The following SYT14 variants were observed in gnomAD, a reference collection of about 807,000 sequenced individuals.
SYT14 encodes the protein synaptotagmin 14.
Under a neutral mutation model 74.2 loss-of-function variants are expected in SYT14, and 32 were observed. The observed-to-expected ratio is 0.43, with a 90% confidence interval of 0.33 to 0.58. The LOEUF is 0.58. Among genes scored for constraint, SYT14 ranks in the 20% least tolerant of loss-of-function variants. The probability of loss-of-function intolerance (pLI) is 0.05; values close to 1 mark genes in which losing one functional copy is unlikely to be tolerated. For missense variants in SYT14, 791 were observed against 981.8 expected, an observed-to-expected ratio of 0.81 and a Z score of 2.60; for synonymous variants, 298 against 337.7, an observed-to-expected ratio of 0.88 and a Z score of 1.29.
intron 5 of SYT14, among the ~76,000 whole-genome samples, chr1:210,077,055 G>A (rs929912601): frequency 1.3e-5 from 2 of 152,086 alleles, no homozygotes; most frequent in Admixed American, 6.5e-5. Context: ...GTTACCATAA[G>A]GAAATACCTG....
chr1:210,094,585 A>T lies in SYT14; in HGVS notation c.1576A>T (p.Ser526Cys), dbSNP rs1423967028. 2 of 1,613,812 alleles carry T rather than the reference A, an allele frequency of 1.2e-6. No individual in the cohort carries two copies. The highest frequency in any genetic ancestry group is 3.3e-5 in the Admixed American group (2 of 59,936). The stretch of plus-strand genomic sequence containing the variant: ...TCCAAGTGACAGCACTGCAGTCCTG[A>T]GCCCTGAAGTAAGTAAAAGCACATA... The change falls in exon 6 of 10, where the codon AGC becomes TGC. Residue 526 changes from serine (S) to cysteine (C), a missense_variant. Ser to Cys is a moderately radical substitution (Grantham distance 112). Transcript: ENST00000637265.
Position 209,940,288 on chromosome 1 carries a change from C to T in SYT14, c.-534+2011C>T, listed in dbSNP as rs540153926. Among the ~76,000 whole-genome samples, 5 of 152,144 alleles carry T rather than the reference C, an allele frequency of 3.3e-5. No individual in the cohort carries two copies. In the East Asian group the frequency reaches 9.6e-4, roughly 29 times the overall value. Reference sequence around the variant, plus strand: ...AAGGACATCTTAAAAATTTAGGGGCCCAAAAGGGCGTCTCATCTTTTCAGT... The same window carrying T: ...AAGGACATCTTAAAAATTTAGGGGCTCAAAAGGGCGTCTCATCTTTTCAGT... On this transcript the variant is annotated intron_variant, in intron 1 of 9. Coordinates refer to ENST00000637265, the Ensembl canonical transcript of SYT14.
exon 10 of SYT14, chr1:210,165,703 T>C (rs1558236756): frequency 1.3e-5 from 2 of 152,216 alleles, no homozygotes; most frequent in African/African-American, 4.8e-5. Context: ...TTATTACATA[T>C]GTCTCTCTTC....
At position 209,941,559 on chromosome 1, in the gene SYT14, A is replaced by G. The variant is rs1161245387; in HGVS notation, c.-534+3282A>G. Among the ~76,000 whole-genome samples, 3 of 151,828 alleles carry G rather than the reference A, an allele frequency of 2.0e-5. 1 individual carries two copies. Among genetic ancestry groups the G allele is most frequent in the Admixed American group, 1.3e-4 (2 of 15,268 alleles). On this transcript the variant is annotated intron_variant, in intron 1 of 9. Transcript: ENST00000637265. The stretch of plus-strand genomic sequence containing the variant: ...TGAAATTTCCTCCTCTCTTGATTAC[A>G]TATTTCTCAGTTTTGTCTTAATTTA...
At chr1:210,163,751 CAG>C (rs10582651) in exon 10 of SYT14, 70,646 of 450,560 alleles carry the variant, frequency 0.16, 5,946 homozygotes, top group Middle Eastern at 0.23. Context: ...AAATAAGGCT[CAG>C]GGGACCCACT....
chr1:210,046,910 G>A (rs1329675151), intron 5 of SYT14, among the ~76,000 whole-genome samples: 1 of 152,086 alleles, frequency 6.6e-6, no homozygotes, highest in Non-Finnish European at 1.5e-5. Context: ...CATCTCCAGA[G>A]TTAAATAGTA....
chr1:210,107,613 C>T (rs1461816688), intron 7 of SYT14, among the ~76,000 whole-genome samples: 1 of 151,938 alleles, frequency 6.6e-6, no homozygotes, highest in African/African-American at 2.4e-5. Flanking sequence ...CTAACCCTCT[C>T]CTATTTAACT....
intron 7 of SYT14, among the ~76,000 whole-genome samples, chr1:210,121,656 T>C (rs1473502076): frequency 2.0e-5 from 3 of 151,824 alleles, no homozygotes; most frequent in Admixed American, 6.6e-5. Flanking sequence ...TAGCCAGGCG[T>C]GGTGGCGGGC....
At chr1:210,026,829 A>G (rs1481368534) in intron 5 of SYT14, among the ~76,000 whole-genome samples, 1 of 151,898 alleles carries the variant, frequency 6.6e-6, no homozygotes, top group Non-Finnish European at 1.5e-5. Flanking sequence ...GTCCATTTTA[A>G]CTGTTATATT....
chr1:210,016,799 T>C (rs2080193280), exon 4 of SYT14: 1 of 1,231,580 alleles, frequency 8.1e-7, no homozygotes, highest in African/African-American at 1.6e-5. Flanking sequence ...AGCTGAAAAA[T>C]GTGTTAAAAG....
intron 7 of SYT14, among the ~76,000 whole-genome samples, chr1:210,116,669 A>T (rs1045930741): frequency 6.6e-6 from 1 of 152,166 alleles, no homozygotes; most frequent in African/African-American, 2.4e-5. Flanking sequence ...TTTATATCTT[A>T]ATCTAGATTT....
chr1:209,982,000 T>A (rs1208232044), intron 2 of SYT14, among the ~76,000 whole-genome samples: 1 of 152,014 alleles, frequency 6.6e-6, no homozygotes, highest in Admixed American at 6.6e-5. Context: ...ATTTCTTATA[T>A]CTAGATGCCT....
chr1:209,993,816 C>CA (rs1432777520), intron 2 of SYT14, among the ~76,000 whole-genome samples: 3 of 152,104 alleles, frequency 2.0e-5, no homozygotes, highest in Non-Finnish European at 4.4e-5. Flanking sequence ...GAGGAAGTAC[C>CA]AAAGAGTTGT....
intron 7 of SYT14, among the ~76,000 whole-genome samples, chr1:210,124,010 T>C (rs913653726): frequency 6.6e-6 from 1 of 152,220 alleles, no homozygotes; most frequent in East Asian, 1.9e-4. Flanking sequence ...AAGCAAATAG[T>C]AGAAGGGTCA....
intron 5 of SYT14, among the ~76,000 whole-genome samples, chr1:210,050,332 C>T (rs2080969541): frequency 6.6e-6 from 1 of 152,186 alleles, no homozygotes; most frequent in South Asian, 2.1e-4. Flanking sequence ...TTCCTCATCA[C>T]TGGAGACCAC....
chr1:210,051,492 T>C (rs1477569900), intron 5 of SYT14, among the ~76,000 whole-genome samples: 1 of 152,214 alleles, frequency 6.6e-6, no homozygotes, highest in Non-Finnish European at 1.5e-5. Context: ...TAAATCCCAT[T>C]TCTTTTTTAT....
chr1:210,145,475 A>G (rs1043305925), intron 7 of SYT14, among the ~76,000 whole-genome samples: 1 of 152,210 alleles, frequency 6.6e-6, no homozygotes, highest in Non-Finnish European at 1.5e-5. Flanking sequence ...AATATTTATT[A>G]AGTGCCTGCT....
At chr1:210,132,567 T>TATTGTG (rs1553285171) in intron 7 of SYT14, among the ~76,000 whole-genome samples, 3 of 144,998 alleles carry the variant, frequency 2.1e-5, no homozygotes, top group East Asian at 2.0e-4. Flanking sequence ...ATTTTATATA[T>TATTGTG]TGTGTGTGTG....
intron 2 of SYT14, among the ~76,000 whole-genome samples, chr1:209,991,268 A>G (rs910672493): frequency 6.6e-5 from 10 of 152,228 alleles, no homozygotes; most frequent in African/African-American, 1.7e-4. Flanking sequence ...AACAAAAACA[A>G]AAGTAGACAA....
Sources: gnomAD v4.1 joint callset for allele counts (sites outside exome capture counted in the v4.1 genomes callset) on GRCh38, gnomAD v4.1.1 for gene constraint, MANE v1.5 for transcripts, NCBI Gene and HGNC (gene_info 2026-07-23, HGNC 2026-07-21) for gene names.